The following NRG3 variants were observed in gnomAD, a reference collection of about 807,000 sequenced individuals.
The protein encoded by NRG3 is neuregulin 3, also known as pro-neuregulin-3, membrane-bound isoform.
A neutral mutation model predicts 66.9 loss-of-function variants in NRG3; 31 were observed. The ratio of observed to expected loss-of-function variants is 0.46; its 90% CI spans 0.35 to 0.63. NRG3 has a LOEUF of 0.63. NRG3 is among the 20% of genes least tolerant of loss of function. NRG3 has a pLI of 0.00. For synonymous variants in NRG3, 393 were observed against 359.4 expected, an observed-to-expected ratio of 1.09 and a Z score of -1.06; for missense variants, 910 against 878.9, an observed-to-expected ratio of 1.04 and a Z score of -0.45.
chr10:82,650,692 A>G (rs2051343104), intron 2 of NRG3, among the ~76,000 whole-genome samples: 1 of 152,212 alleles, frequency 6.6e-6, no homozygotes, highest in Non-Finnish European at 1.5e-5. Context: ...CCAGACACAG[A>G]AAAAGTTTGA....
At chr10:82,398,599 T>G (rs1022135304) in intron 2 of NRG3, among the ~76,000 whole-genome samples, 3 of 151,974 alleles carry the variant, frequency 2.0e-5, no homozygotes, top group African/African-American at 7.3e-5. Context: ...CAAGTTCTTT[T>G]GTTTCCCCAG....
chr10:82,473,843 T>C (rs888557987), intron 2 of NRG3, among the ~76,000 whole-genome samples: 2 of 152,156 alleles, frequency 1.3e-5, no homozygotes, highest in Admixed American at 6.5e-5. Flanking sequence ...GCAGTGGTGA[T>C]GCCTCATGAA....
intron 6 of NRG3, among the ~76,000 whole-genome samples, chr10:82,972,448 G>A (rs982603740): frequency 1.3e-5 from 2 of 152,080 alleles, no homozygotes; most frequent in Non-Finnish European, 2.9e-5. Flanking sequence ...TTAAGAAAGA[G>A]CTTACAATAA....
intron 1 of NRG3, among the ~76,000 whole-genome samples, chr10:82,128,761 GTTCAC>G (rs1372882842): frequency 7.1e-6 from 1 of 141,606 alleles, no homozygotes; most frequent in African/African-American, 2.6e-5. Context: ...GGTTTTTTTT[GTTCAC>G]TTCAATTATT....
chr10:82,822,526 A>G (rs2061997229), intron 3 of NRG3, among the ~76,000 whole-genome samples: 1 of 152,058 alleles, frequency 6.6e-6, no homozygotes, highest in Non-Finnish European at 1.5e-5. Context: ...GCTCTACACA[A>G]TTGTTCTGAA....
At position 82,016,470 on chromosome 10, in the gene NRG3, A is replaced by G. The variant is rs184113360; in HGVS notation, c.823+140307A>G. ...AACTATGGAAAGAGTGTGGAGTACA[A>G]GACGAGAGAGGCATGAGCTAAGGCT... On this transcript the variant is annotated intron_variant, in intron 1 of 8. Coordinates refer to ENST00000372141, the MANE Select transcript of NRG3 (RefSeq NM_001010848.4). Among the ~76,000 whole-genome samples, 168 of 151,642 alleles carry G rather than the reference A, an allele frequency of 1.1e-3. 1 individual carries two copies. The highest frequency in any genetic ancestry group is 0.011 in the South Asian group (53 of 4,798).
At chr10:82,342,415 A>C (rs1013999040) in intron 1 of NRG3, among the ~76,000 whole-genome samples, 1 of 151,992 alleles carries the variant, frequency 6.6e-6, no homozygotes, top group African/African-American at 2.4e-5. Context: ...TTTTCTCCAC[A>C]TCCTCACAAT....
intron 2 of NRG3, among the ~76,000 whole-genome samples, chr10:82,510,451 T>G (rs1845068905): frequency 6.6e-6 from 1 of 152,170 alleles, no homozygotes; most frequent in South Asian, 2.1e-4. Flanking sequence ...TGCACACTCT[T>G]TCTTATTTTG....
chr10:82,535,581 G>T (rs1847732068), intron 2 of NRG3, among the ~76,000 whole-genome samples: 1 of 152,050 alleles, frequency 6.6e-6, no homozygotes. Context: ...AACTGCCTTT[G>T]TCGGGAAAGA....
At chr10:82,294,336 C>A (rs1438695184) in intron 1 of NRG3, among the ~76,000 whole-genome samples, 1 of 152,118 alleles carries the variant, frequency 6.6e-6, no homozygotes, top group Non-Finnish European at 1.5e-5. Context: ...AGCATTGAGT[C>A]TGCCATTTCT....
intron 1 of NRG3, among the ~76,000 whole-genome samples, chr10:82,118,313 T>G (rs2067858594): frequency 6.6e-6 from 1 of 152,046 alleles, no homozygotes; most frequent in South Asian, 2.1e-4. Context: ...TTTTCCTTTC[T>G]GATTCATGCC....
At chr10:82,214,922 CA>C in intron 1 of NRG3, among the ~76,000 whole-genome samples, 1 of 152,200 alleles carries the variant, frequency 6.6e-6, no homozygotes, top group East Asian at 1.9e-4. Context: ...CCAGCTATGG[CA>C]TCACTGATCT....
intron 1 of NRG3, among the ~76,000 whole-genome samples, chr10:81,964,672 T>C (rs2059663064): frequency 6.6e-6 from 1 of 152,204 alleles, no homozygotes. Context: ...AAGATACTAC[T>C]GCCAGACTGT....
chr10:82,100,686 G>A lies in NRG3; in HGVS notation c.823+224523G>A, dbSNP rs900328374. On this transcript the variant is annotated intron_variant, in intron 1 of 8. Transcript: ENST00000372141. The stretch of plus-strand genomic sequence containing the variant: ...TGATTGATTGATTTTAAAATATTAA[G>A]TCATCTTTGTGTTACCAGGATAAAC... 2.0e-5 allele frequency among the ~76,000 whole-genome samples: 3 copies of A among 152,076 alleles called. No individual in the cohort carries two copies. The South Asian group carries it at 6.2e-4, about 31-fold the overall frequency.
intron 1 of NRG3, among the ~76,000 whole-genome samples, chr10:82,010,734 T>C (rs1483677755): frequency 1.3e-5 from 2 of 152,178 alleles, no homozygotes. Flanking sequence ...ACTACCTGCC[T>C]CACACTGCTG....
chr10:82,713,874 C>G (rs999238183), intron 2 of NRG3, among the ~76,000 whole-genome samples: 4 of 152,144 alleles, frequency 2.6e-5, no homozygotes, highest in Non-Finnish European at 4.4e-5. Context: ...CCTCTTGATT[C>G]TTGCTGCCAC....
Position 82,366,095 on chromosome 10 carries a change from T to C in NRG3, c.953+7227T>C, listed in dbSNP as rs550570009. ...CCTGAGTTCAAAGTCCTACTCAGCT[T>C]TCTACTAACTCTGATTTTTTGCAAG... On this transcript the variant is annotated intron_variant, in intron 2 of 8. Transcript: ENST00000372141. Among the ~76,000 whole-genome samples, 3 of 152,312 alleles carry C rather than the reference T, an allele frequency of 2.0e-5. No individual in the cohort carries two copies. In the East Asian group the frequency reaches 5.8e-4, roughly 29 times the overall value.
At chr10:82,142,675 G>T (rs1356276558) in intron 1 of NRG3, among the ~76,000 whole-genome samples, 2 of 151,264 alleles carry the variant, frequency 1.3e-5, no homozygotes, top group Non-Finnish European at 2.9e-5. Context: ...ACAACGTAAT[G>T]TATCTCTCAT....
At chr10:82,499,836 C>G (rs1292078261) in intron 2 of NRG3, among the ~76,000 whole-genome samples, 1 of 152,154 alleles carries the variant, frequency 6.6e-6, no homozygotes, top group African/African-American at 2.4e-5. Flanking sequence ...CAGGTAAATT[C>G]TCACTCCACG....
Sources: gnomAD v4.1 joint callset for allele counts (sites outside exome capture counted in the v4.1 genomes callset) on GRCh38, gnomAD v4.1.1 for gene constraint, MANE v1.5 for transcripts, NCBI Gene and HGNC (gene_info 2026-07-23, HGNC 2026-07-21) for gene names.